The following RBFOX1 variants were observed in gnomAD, a reference collection of about 807,000 sequenced individuals.
RBFOX1 encodes RNA binding protein fox-1 homolog 1.
RBFOX1 carries 8 observed loss-of-function variants against 57.7 expected under a neutral mutation model. That is an observed-to-expected ratio of 0.14 (90% CI 0.08 to 0.25). The LOEUF (loss-of-function observed/expected upper bound fraction) is 0.25, where lower values mean the gene tolerates loss of function less well. RBFOX1 is among the 10% of genes least tolerant of loss of function. The probability of loss-of-function intolerance (pLI) is 1.00; values close to 1 mark genes in which losing one functional copy is unlikely to be tolerated. For missense variants in RBFOX1, 611 were observed against 548.5 expected (o/e 1.11, Z -1.14); for synonymous variants, 326 against 222.4 (o/e 1.47, Z -4.15).
intron 2 of RBFOX1, among the ~76,000 whole-genome samples, chr16:6,528,303 C>T (rs1005107046): frequency 6.6e-6 from 1 of 152,194 alleles, no homozygotes; most frequent in African/African-American, 2.4e-5. Flanking sequence ...CTTCCACTTC[C>T]CAAACTTAGG....
chr16:7,501,922 C>T (rs1479652752), intron 4 of RBFOX1, among the ~76,000 whole-genome samples: 1 of 152,140 alleles, frequency 6.6e-6, no homozygotes, highest in Admixed American at 6.5e-5. Context: ...CCACTGTAGC[C>T]CCCAAACATA....
intron 3 of RBFOX1, among the ~76,000 whole-genome samples, chr16:7,034,848 C>CA (rs2043879704): frequency 3.2e-5 from 1 of 30,830 alleles, no homozygotes; most frequent in Non-Finnish European, 5.2e-5. Context: ...TTTCTTTTTT[C>CA]TTTTTTTTTT....
chr16:6,540,611 CAAAAAAAAAAA>C (rs140566519), intron 2 of RBFOX1, among the ~76,000 whole-genome samples: 2 of 67,668 alleles, frequency 3.0e-5, no homozygotes, highest in Admixed American at 2.2e-4. Context: ...GACTCTGTCT[CAAAAAAAAAAA>C]AAAAAAAAAA....
chr16:5,816,677 G>A (rs560222926), intron 3 of RBFOX1, among the ~76,000 whole-genome samples: 2 of 152,180 alleles, frequency 1.3e-5, no homozygotes, highest in South Asian at 2.1e-4. Context: ...CCAACTACTA[G>A]GGAGGCTGAG....
intron 3 of RBFOX1, among the ~76,000 whole-genome samples, chr16:7,025,859 C>G (rs1392129638): frequency 1.3e-5 from 2 of 152,110 alleles, no homozygotes; most frequent in African/African-American, 4.8e-5. Flanking sequence ...ATTCAAAGCT[C>G]CAGCAACCAG....
intron 4 of RBFOX1, among the ~76,000 whole-genome samples, chr16:7,221,683 T>C (rs2092743900): frequency 6.6e-6 from 1 of 152,222 alleles, no homozygotes; most frequent in African/African-American, 2.4e-5. Context: ...TATTTATTTG[T>C]AAATTATCCT....
intron 3 of RBFOX1, among the ~76,000 whole-genome samples, chr16:6,896,088 C>T (rs992548243): frequency 6.6e-6 from 1 of 152,086 alleles, no homozygotes; most frequent in Non-Finnish European, 1.5e-5. Flanking sequence ...ACCTGGCCAA[C>T]ATGGTGAAAC....
chr16:6,242,042 A>G (rs2097542568), intron 1 of RBFOX1, among the ~76,000 whole-genome samples: 4 of 152,240 alleles, frequency 2.6e-5, no homozygotes, highest in African/African-American at 7.2e-5. Flanking sequence ...CAAACATAGA[A>G]TAAAATTTGA....
intron 2 of RBFOX1, among the ~76,000 whole-genome samples, chr16:6,603,864 G>C (rs188803870): frequency 6.6e-6 from 1 of 152,082 alleles, no homozygotes; most frequent in Non-Finnish European, 1.5e-5. Context: ...CATTTGCCTC[G>C]AGTTGCTTCT....
At chr16:6,284,760 C>CT (rs1238388458) in intron 1 of RBFOX1, among the ~76,000 whole-genome samples, 1 of 152,084 alleles carries the variant, frequency 6.6e-6, no homozygotes, top group Admixed American at 6.5e-5. Context: ...ATTTTCCCTT[C>CT]TCAGTCATTG....
chr16:6,035,313 C>T (rs992048420), intron 1 of RBFOX1, among the ~76,000 whole-genome samples: 6 of 152,162 alleles, frequency 3.9e-5, no homozygotes, highest in Admixed American at 1.3e-4. Context: ...CCGTCTCAGC[C>T]AAGGGACACT....
At chr16:6,073,609 A>AT (rs1164875686) in intron 1 of RBFOX1, among the ~76,000 whole-genome samples, 2 of 152,204 alleles carry the variant, frequency 1.3e-5, no homozygotes, top group African/African-American at 4.8e-5. Flanking sequence ...AAAATGACAA[A>AT]TTTTTGGTGC....
intron 1 of RBFOX1, among the ~76,000 whole-genome samples, chr16:6,135,533 A>G (rs2152687455): frequency 6.6e-6 from 1 of 152,266 alleles, no homozygotes; most frequent in African/African-American, 2.4e-5. Context: ...GTCAGGTGTG[A>G]ATATGGGGGG....
At chr16:7,341,772 CTCCCTCCTTCCTTCCTTCCT>C (rs2096899547) in intron 4 of RBFOX1, among the ~76,000 whole-genome samples, 1 of 82,354 alleles carries the variant, frequency 1.2e-5, no homozygotes, top group Non-Finnish European at 2.3e-5. Context: ...CCTTCCCTCC[CTCCCTCCTTCCTTCCTTCCT>C]TCCTTCCTTC....
chr16:6,528,019 C>T (rs1430025630), intron 2 of RBFOX1, among the ~76,000 whole-genome samples: 1 of 152,094 alleles, frequency 6.6e-6, no homozygotes, highest in Non-Finnish European at 1.5e-5. Flanking sequence ...GCATGGATTT[C>T]TCTATGTTGA....
At chr16:7,110,153 C>T (rs2151553806) in intron 4 of RBFOX1, among the ~76,000 whole-genome samples, 1 of 146,316 alleles carries the variant, frequency 6.8e-6, no homozygotes, top group African/African-American at 2.5e-5. Context: ...AGTGTGAGAC[C>T]AGCCTGGGCA....
intron 4 of RBFOX1, among the ~76,000 whole-genome samples, chr16:7,375,811 C>T (rs913482550): frequency 1.3e-5 from 2 of 152,142 alleles, no homozygotes; most frequent in African/African-American, 4.8e-5. Context: ...TTTTAATCTA[C>T]TTTGTAATTA....
In RBFOX1 at chr16:5,411,346, C is replaced by A. The variant is rs74319965; in HGVS notation, c.220-55870C>A. ...AAGAGAGAAGTAGCAGAGTCAGAGTCTGAATGGAGGATGCTGAGCTGTTGG... is the reference window on the plus strand; with the variant it reads ...AAGAGAGAAGTAGCAGAGTCAGAGTATGAATGGAGGATGCTGAGCTGTTGG... On this transcript the variant is annotated intron_variant, in intron 1 of 2. Transcript: ENST00000585867. Among the ~76,000 whole-genome samples the A allele has an allele frequency of 4.3e-3, 660 of 152,212 alleles. 2 individuals are homozygous for A. The highest frequency in any genetic ancestry group is 7.5e-3 in the Non-Finnish European group (509 of 68,010).
At chr16:6,484,863 A>G (rs957440221) in intron 2 of RBFOX1, among the ~76,000 whole-genome samples, 2 of 152,196 alleles carry the variant, frequency 1.3e-5, no homozygotes, top group African/African-American at 4.8e-5. Flanking sequence ...CATGGTTTCA[A>G]TTTTGGTTAC....
Sources: gnomAD v4.1 joint callset for allele counts (sites outside exome capture counted in the v4.1 genomes callset) on GRCh38, gnomAD v4.1.1 for gene constraint, MANE v1.5 for transcripts, NCBI Gene and HGNC (gene_info 2026-07-23, HGNC 2026-07-21) for gene names.